The following FAF1 variants were observed in gnomAD, a reference collection of about 807,000 sequenced individuals.
The protein encoded by FAF1 is Fas associated factor 1.
FAF1 carries 25 observed loss-of-function variants against 92.5 expected under a neutral mutation model. The observed-to-expected ratio is 0.27, with a 90% CI of 0.20 to 0.38. The LOEUF (loss-of-function observed/expected upper bound fraction) is 0.38. Among genes scored for constraint, FAF1 ranks in the 10% least tolerant of loss-of-function variants. FAF1 has a pLI of 1.00. For synonymous variants in FAF1, 234 were observed against 273.2 expected (o/e 0.86, Z 1.42); for missense variants, 636 against 793.3 (o/e 0.80, Z 2.38).
intron 6 of FAF1, among the ~76,000 whole-genome samples, chr1:50,738,223 C>G (rs1464795088): frequency 6.6e-6 from 1 of 152,002 alleles, no homozygotes; most frequent in Non-Finnish European, 1.5e-5. Context: ...GTGGGCAGAT[C>G]ACCTAAGGTC....
At chr1:50,643,073 GC>G (rs963732763) in intron 8 of FAF1, among the ~76,000 whole-genome samples, 1 of 151,990 alleles carries the variant, frequency 6.6e-6, no homozygotes, top group Non-Finnish European at 1.5e-5. Context: ...CAGGTGATCC[GC>G]CCGCCTCGGC....
At chr1:50,783,182 C>A (rs1417377655) in intron 4 of FAF1, among the ~76,000 whole-genome samples, 5 of 152,060 alleles carry the variant, frequency 3.3e-5, no homozygotes, top group East Asian at 1.9e-4. Flanking sequence ...AAAATCTGAA[C>A]AGACATACAA....
At chr1:50,624,102 G>A (rs536321618) in intron 8 of FAF1, among the ~76,000 whole-genome samples, 7 of 152,296 alleles carry the variant, frequency 4.6e-5, no homozygotes, top group Admixed American at 1.3e-4. Context: ...ACGTAGTTCC[G>A]TGGCAGGCAG....
intron 8 of FAF1, among the ~76,000 whole-genome samples, chr1:50,628,634 CA>C (rs1263255294): frequency 6.6e-6 from 1 of 152,152 alleles, no homozygotes; most frequent in Non-Finnish European, 1.5e-5. Context: ...TTAAACTTGT[CA>C]ACTGTCTCTA....
At chr1:50,928,458 C>G (rs1423405193) in intron 1 of FAF1, among the ~76,000 whole-genome samples, 2 of 152,120 alleles carry the variant, frequency 1.3e-5, no homozygotes, top group South Asian at 4.1e-4. Context: ...AAATATCACA[C>G]TTAAAAGAAA....
At chr1:50,627,979 G>T (rs1001576392) in intron 8 of FAF1, among the ~76,000 whole-genome samples, 1 of 152,090 alleles carries the variant, frequency 6.6e-6, no homozygotes, top group African/African-American at 2.4e-5. Flanking sequence ...ATGAGTTGAC[G>T]AATAAGTAGA....
intron 2 of FAF1, among the ~76,000 whole-genome samples, chr1:50,832,140 T>G (rs1338335331): frequency 6.6e-6 from 1 of 152,072 alleles, no homozygotes; most frequent in Non-Finnish European, 1.5e-5. Flanking sequence ...TACATTACAA[T>G]GCAATAACAG....
intron 12 of FAF1, among the ~76,000 whole-genome samples, chr1:50,567,632 A>G (rs1049087300): frequency 7.9e-5 from 12 of 152,130 alleles, no homozygotes; most frequent in African/African-American, 2.2e-4. Flanking sequence ...ATTCTTTAAA[A>G]CAGAATGACA....
At position 50,584,821 on chromosome 1, in the gene FAF1, G is replaced by A. The variant is rs766539923; in HGVS notation, c.841-10C>T. The A allele has an allele frequency of 5.6e-6, 9 of 1,611,734 alleles. No homozygotes were observed. Among genetic ancestry groups the A allele is most frequent in the South Asian group, 1.1e-5 (1 of 90,806 alleles). The stretch of plus-strand genomic sequence containing the variant: ...GAACATCGGTGATTTGCTATTTAAG[G>A]AAAGTCCTGATTAGTTTCATATTGA... On this transcript the variant is annotated splice_polypyrimidine_tract_variant and intron_variant, in intron 9 of 18. Transcript: ENST00000396153.
chr1:50,766,099 A>G (rs1376320951), intron 4 of FAF1, among the ~76,000 whole-genome samples: 1 of 152,194 alleles, frequency 6.6e-6, no homozygotes, highest in Admixed American at 6.5e-5. Flanking sequence ...TCTCAAAAAA[A>G]AAAGTAAAAT....
intron 13 of FAF1, among the ~76,000 whole-genome samples, chr1:50,556,654 G>C (rs1649597766): frequency 6.6e-6 from 1 of 151,882 alleles, no homozygotes; most frequent in South Asian, 2.1e-4. Context: ...TTGGCAACAT[G>C]GTGAGACCCC....
intron 13 of FAF1, among the ~76,000 whole-genome samples, chr1:50,553,354 G>A (rs915458868): frequency 1.3e-5 from 2 of 152,178 alleles, no homozygotes; most frequent in African/African-American, 4.8e-5. Flanking sequence ...TCTAGGAACC[G>A]AGAGGATTAT....
At position 50,959,808 on chromosome 1, in the gene FAF1, C is replaced by T; in HGVS notation, c.4G>A (p.Ala2Thr). 1.3e-6 allele frequency: 2 copies of T among 1,575,790 alleles called. No individual in the cohort carries two copies. The highest frequency in any genetic ancestry group is 2.3e-5 in the South Asian group (2 of 87,690). Residue 2 changes from alanine to threonine, a missense_variant, in exon 1 of 19, where the codon GCG becomes ACG. Ala to Thr is a moderately conservative substitution (Grantham distance 58). This residue lies in a region of FAF1 where 317 missense variants were observed against 342.4 expected (regional missense o/e 0.93). Transcript: ENST00000396153. ...ATCATCTCCCGGTCCATGTTGGACG[C>T]CATGGCGGCCGCCGAGTTCCGCGGC... M[A>T]SNMDREMILA... is the part of the protein sequence containing the mutation.
At chr1:50,734,691 G>T (rs895206672) in intron 6 of FAF1, among the ~76,000 whole-genome samples, 1 of 149,146 alleles carries the variant, frequency 6.7e-6, no homozygotes. Flanking sequence ...CCGAGATCAC[G>T]CCACTGCACT....
intron 1 of FAF1, among the ~76,000 whole-genome samples, chr1:50,898,685 T>A (rs1271987388): frequency 6.6e-6 from 1 of 152,210 alleles, no homozygotes; most frequent in African/African-American, 2.4e-5. Flanking sequence ...ACAAAGATAT[T>A]CCTTCACTGA....
intron 6 of FAF1, among the ~76,000 whole-genome samples, chr1:50,710,206 C>T (rs376391444): frequency 1.5e-4 from 23 of 152,232 alleles, no homozygotes; most frequent in African/African-American, 4.8e-4. Context: ...TATGCAATTC[C>T]TTAGATATGT....
intron 1 of FAF1, among the ~76,000 whole-genome samples, chr1:50,918,006 G>A (rs1167361633): frequency 6.6e-6 from 1 of 152,048 alleles, no homozygotes; most frequent in Non-Finnish European, 1.5e-5. Context: ...AGGACATTAA[G>A]AATGATTGAG....
intron 5 of FAF1, among the ~76,000 whole-genome samples, chr1:50,742,338 G>C (rs995967427): frequency 1.4e-5 from 2 of 142,540 alleles, no homozygotes; most frequent in Non-Finnish European, 3.1e-5. Flanking sequence ...GAAGAAGAAA[G>C]AAGTAAATTG....
intron 8 of FAF1, among the ~76,000 whole-genome samples, chr1:50,616,269 G>C (rs1231114236): frequency 6.6e-6 from 1 of 152,078 alleles, no homozygotes; most frequent in African/African-American, 2.4e-5. Flanking sequence ...TTACACTTTA[G>C]TTTGAAGTCC....
Sources: allele counts gnomAD v4.1 joint callset (sites outside exome capture counted in the v4.1 genomes callset), GRCh38; gene constraint gnomAD v4.1.1; regional missense constraint gnomAD v4.1.1; transcripts MANE v1.5; gene names NCBI Gene and HGNC (gene_info 2026-07-23, HGNC 2026-07-21).